DMXL1: variants seen among roughly 807,000 people sequenced by gnomAD.
DMXL1 encodes Dmx like 1, also known as dmX-like protein 1.
Under a neutral mutation model 319.2 loss-of-function variants are expected in DMXL1, and 99 were observed. That is an observed-to-expected ratio of 0.31 (90% confidence interval 0.26 to 0.37). The LOEUF is 0.37. DMXL1 is among the 10% of genes least tolerant of loss of function. DMXL1 has a pLI of 1.00. For synonymous variants in DMXL1, 1,385 were observed against 1,235.2 expected, an observed-to-expected ratio of 1.12 and a Z score of -2.54; for missense variants, 3,745 against 3,595.6, an observed-to-expected ratio of 1.04 and a Z score of -1.06.
Position 119,193,857 on chromosome 5 carries a change from C to G in DMXL1, c.7344C>G (p.Ala2448=). 1 of 1,612,198 alleles carries G rather than the reference C, an allele frequency of 6.2e-7. No homozygotes were observed. Among genetic ancestry groups the G allele is most frequent in the Non-Finnish European group, 8.5e-7 (1 of 1,179,334 alleles). Residue 2448 remains alanine (A), a synonymous_variant, in exon 30 of 44, where the codon GCC becomes GCG. Coordinates refer to ENST00000539542, the MANE Select transcript of DMXL1 (RefSeq NM_001290321.3). ...KPFLPSSQSR[A]EYDSEESLGS... ...TTCTACCCTCTTCTCAAAGTAGAGC[C>G]GAATATGATTCAGAGGAGAGTCTGG...
chr5:119,072,375 C>T lies in DMXL1; in HGVS notation c.87+719C>T, dbSNP rs766191053. 5.9e-5 allele frequency among the ~76,000 whole-genome samples: 9 copies of T among 151,760 alleles called. No individual in the cohort carries two copies. In the South Asian group the frequency reaches 1.5e-3, roughly 25 times the overall value. On this transcript the variant is annotated intron_variant, in intron 1 of 43. Transcript: ENST00000539542. ...TTAACTATAGGTTTTTTTTTAATAACAATTTCAAAATATAAGTCAGTAATT... is the reference window on the plus strand; with the variant it reads ...TTAACTATAGGTTTTTTTTTAATAATAATTTCAAAATATAAGTCAGTAATT...
intron 1 of DMXL1, among the ~76,000 whole-genome samples, chr5:119,088,368 A>C (rs942604960): frequency 6.6e-5 from 10 of 152,164 alleles, no homozygotes; most frequent in Non-Finnish European, 1.0e-4. Context: ...TCTTGTGGGC[A>C]GTATAGAGTT....
Position 119,118,959 on chromosome 5 carries a change from C to G in DMXL1, c.888C>G (p.Phe296Leu). ...WTESINLTNNFKRNASSKERV... is the reference protein window; with the variant it reads ...WTESINLTNNLKRNASSKERV... Reference sequence around the variant, plus strand: ...AATCAATTAATTTAACAAATAACTTCAAGAGAAATGCTTCCAGTAAAGAAC... The same window carrying G: ...AATCAATTAATTTAACAAATAACTTGAAGAGAAATGCTTCCAGTAAAGAAC... Residue 296 changes from phenylalanine to leucine, a missense_variant, in exon 8 of 44, where the codon TTC becomes TTG. Coordinates refer to ENST00000539542, the MANE Select transcript of DMXL1 (RefSeq NM_001290321.3). The G allele has an allele frequency of 1.2e-6, 2 of 1,613,394 alleles. No homozygotes were observed. Among genetic ancestry groups the G allele is most frequent in the South Asian group, 2.2e-5 (2 of 90,832 alleles).
intron 25 of DMXL1, among the ~76,000 whole-genome samples, chr5:119,173,694 GTGTGTA>G (rs1189579697): frequency 1.1e-3 from 123 of 113,470 alleles, no homozygotes; most frequent in South Asian, 5.2e-3. Context: ...GTGTGTGTGT[GTGTGTA>G]TATATATATG....
intron 32 of DMXL1, among the ~76,000 whole-genome samples, chr5:119,200,924 C>G (rs567639785): frequency 3.6e-4 from 55 of 152,182 alleles, no homozygotes; most frequent in African/African-American, 1.2e-3. Flanking sequence ...ATTTTTGTAT[C>G]CTGAAACTTT....
chr5:119,227,420 G>T (rs1785797358), intron 38 of DMXL1, among the ~76,000 whole-genome samples: 1 of 152,060 alleles, frequency 6.6e-6, no homozygotes, highest in Non-Finnish European at 1.5e-5. Context: ...ACCTCTTGAG[G>T]CTCAGAAGTC....
chr5:119,115,531 GT>G (rs2149886547), intron 6 of DMXL1, among the ~76,000 whole-genome samples: 1 of 152,240 alleles, frequency 6.6e-6, no homozygotes, highest in South Asian at 2.1e-4. Context: ...CCACAGTAAG[GT>G]TTTTGTTTTT....
At position 119,244,552 on chromosome 5, in the gene DMXL1, A is replaced by G. The variant is rs1021573571; in HGVS notation, c.8898A>G (p.Thr2966=). The G allele has an allele frequency of 6.2e-7, 1 of 1,614,144 alleles. No individual in the cohort carries two copies. The highest frequency in any genetic ancestry group is 8.5e-7 in the Non-Finnish European group (1 of 1,179,984). ...AVDPTEEYFV[T]GSAEGNIKIW... ...ATCCAACTGAAGAGTACTTTGTTAC[A>G]GGATCTGCCGAAGGCAATATAAAGG... The change falls in exon 43 of 44, where the codon ACA becomes ACG. Residue 2966 remains threonine (T), a synonymous_variant. Coordinates refer to ENST00000539542, the MANE Select transcript of DMXL1 (RefSeq NM_001290321.3).
chr5:119,237,230 C>T (rs1390767922), intron 39 of DMXL1, 92 bp from the exon 40 acceptor site: 5 of 641,976 alleles, frequency 7.8e-6, no homozygotes, highest in East Asian at 6.1e-5. Flanking sequence ...CAAATGTTTA[C>T]GAGTCAAAAT....
rs779854170 is a variant in DMXL1, at chr5:119,118,857, T to C, written c.786T>C (p.Asn262=). 3.1e-6 allele frequency: 5 copies of C among 1,613,796 alleles called. No individual in the cohort carries two copies. In the East Asian group the frequency reaches 8.9e-5, roughly 29 times the overall value. The change falls in exon 8 of 44, where the codon AAT becomes AAC. Residue 262 remains asparagine (N), a synonymous_variant. Transcript: ENST00000539542. ...TACTGTTGACTTGCTGCAAAGATAA[T>C]GTGTGTCGTCTTTGGGTAGAGACAT... ...CNVLLTCCKD[N]VCRLWVETFL... is the part of the protein sequence containing the mutation.
chr5:119,140,585 A>G (rs547367081), intron 13 of DMXL1, among the ~76,000 whole-genome samples: 4 of 152,152 alleles, frequency 2.6e-5, no homozygotes, highest in Non-Finnish European at 5.9e-5. Context: ...TAAACAGACT[A>G]ATACGAGCTC....
Position 119,144,542 on chromosome 5 carries a change from A to G in DMXL1, c.2473A>G (p.Arg825Gly), listed in dbSNP as rs1394019911. 1.9e-6 allele frequency: 3 copies of G among 1,599,732 alleles called. No homozygotes were observed. The highest frequency in any genetic ancestry group is 1.4e-5 in the African/African-American group (1 of 74,012). ...ALDPITKLHG[R>G]KTQLLHVFEE... ...GATATTTATTTATATTCAGCATGGC[A>G]GAAAAACCCAACTGCTTCATGTTTT... is the stretch of plus-strand genomic sequence containing the variant. The change falls in exon 15 of 44, where the codon AGA becomes GGA. Residue 825 changes from arginine (R) to glycine (G), a missense_variant. Around this residue, in one of 4 missense-constraint regions of DMXL1, gnomAD observed 2,096 missense variants for 1,985.4 expected, o/e 1.06. Coordinates refer to ENST00000539542, the MANE Select transcript of DMXL1 (RefSeq NM_001290321.3).
chr5:119,225,807 C>T (rs76710125), intron 38 of DMXL1, among the ~76,000 whole-genome samples: 4,236 of 152,168 alleles, frequency 0.028, 184 homozygotes, highest in African/African-American at 0.097. Context: ...CAAATTTATT[C>T]ATCGCTAGAA....
At chr5:119,158,208 T>G (rs944545313) in intron 19 of DMXL1, among the ~76,000 whole-genome samples, 1 of 151,194 alleles carries the variant, frequency 6.6e-6, no homozygotes, top group Non-Finnish European at 1.5e-5. Context: ...TTCTAAGGTT[T>G]TTTTTTTTTT....
At chr5:119,096,709 A>G (rs1756053888) in intron 1 of DMXL1, among the ~76,000 whole-genome samples, 1 of 152,210 alleles carries the variant, frequency 6.6e-6, no homozygotes, top group Non-Finnish European at 1.5e-5. Context: ...GAAGAGTTCT[A>G]GTTGGGAGAG....
intron 34 of DMXL1, among the ~76,000 whole-genome samples, chr5:119,210,704 T>G (rs1230168461): frequency 1.3e-5 from 2 of 151,652 alleles, no homozygotes; most frequent in Admixed American, 1.3e-4. Flanking sequence ...AGTCATGTAT[T>G]GTAAGTCATT....
chr5:119,103,876 C>CA (rs1188966047), intron 3 of DMXL1, among the ~76,000 whole-genome samples: 1 of 152,080 alleles, frequency 6.6e-6, no homozygotes, highest in Non-Finnish European at 1.5e-5. Context: ...AATGTTTGCC[C>CA]ATTTTCTCCT....
At chr5:119,150,579 A>G (rs1769552732) in intron 18 of DMXL1, among the ~76,000 whole-genome samples, 158 bp downstream of exon 18, 1 of 152,016 alleles carries the variant, frequency 6.6e-6, no homozygotes, top group African/African-American at 2.4e-5. Context: ...ACTTGAACCT[A>G]GGAGTTTAAG....
intron 32 of DMXL1, among the ~76,000 whole-genome samples, chr5:119,201,162 G>C (rs1313297800): frequency 6.6e-6 from 1 of 152,142 alleles, no homozygotes; most frequent in East Asian, 1.9e-4. Context: ...CAAGGAGAAA[G>C]CTTCCTGCTT....
Sources: gnomAD v4.1 joint callset for allele counts (sites outside exome capture counted in the v4.1 genomes callset) on GRCh38, gnomAD v4.1.1 for gene constraint, gnomAD v4.1.1 regional missense constraint, MANE v1.5 for transcripts, NCBI Gene and HGNC (gene_info 2026-07-23, HGNC 2026-07-21) for gene names.